NRXN3: variants seen among roughly 807,000 people sequenced by gnomAD.
NRXN3 encodes neurexin III.
A neutral mutation model predicts 137.6 loss-of-function variants in NRXN3; 32 were observed. The ratio of observed to expected loss-of-function variants is 0.23; its 90% CI spans 0.18 to 0.31. The LOEUF (loss-of-function observed/expected upper bound fraction) is 0.31. NRXN3 is among the 10% of genes least tolerant of loss of function. The probability of loss-of-function intolerance (pLI) is 1.00; values close to 1 mark genes in which losing one functional copy is unlikely to be tolerated. For synonymous variants in NRXN3, 798 were observed against 784.5 expected, an observed-to-expected ratio of 1.02 and a Z score of -0.29; for missense variants, 1,574 against 2,062.5, an observed-to-expected ratio of 0.76 and a Z score of 4.59.
At chr14:79,186,464 CACAA>C (rs777763591) in intron 15 of NRXN3, among the ~76,000 whole-genome samples, 1 of 152,072 alleles carries the variant, frequency 6.6e-6, no homozygotes, top group Non-Finnish European at 1.5e-5. Flanking sequence ...AATGGGCAGT[CACAA>C]TAAGATACAT....
At chr14:79,182,696 G>A (rs1182905421) in intron 15 of NRXN3, among the ~76,000 whole-genome samples, 1 of 152,112 alleles carries the variant, frequency 6.6e-6, no homozygotes, top group Non-Finnish European at 1.5e-5. Flanking sequence ...CCACGGGTTT[G>A]GAGACCCCTT....
intron 19 of NRXN3, among the ~76,000 whole-genome samples, chr14:79,770,925 A>G (rs1468392085): frequency 6.6e-6 from 1 of 152,218 alleles, no homozygotes; most frequent in Non-Finnish European, 1.5e-5. Context: ...AGATGCAATA[A>G]AAAATGATAA....
intron 6 of NRXN3, among the ~76,000 whole-genome samples, chr14:78,682,503 C>T (rs1260010399): frequency 6.6e-6 from 1 of 152,022 alleles, no homozygotes; most frequent in Non-Finnish European, 1.5e-5. Context: ...CTGCCTGTAC[C>T]GTTGTGGAAT....
intron 18 of NRXN3, among the ~76,000 whole-genome samples, chr14:79,693,073 C>T (rs1269704435): frequency 2.0e-5 from 3 of 151,952 alleles, no homozygotes; most frequent in Non-Finnish European, 4.4e-5. Flanking sequence ...AAGAGGGCAG[C>T]GGTTATAACT....
intron 10 of NRXN3, among the ~76,000 whole-genome samples, chr14:78,947,623 G>A (rs974712841): frequency 6.6e-6 from 1 of 152,180 alleles, no homozygotes; most frequent in African/African-American, 2.4e-5. Flanking sequence ...GTTCCCAAAA[G>A]TCCTCCATGG....
intron 4 of NRXN3, among the ~76,000 whole-genome samples, chr14:78,613,588 T>C (rs1195410875): frequency 7.4e-6 from 1 of 134,328 alleles, no homozygotes; most frequent in Non-Finnish European, 1.7e-5. Context: ...GTTTTTTTTT[T>C]TTTTTTTTTT....
At chr14:78,245,554 T>C (rs2067549988) in intron 2 of NRXN3, among the ~76,000 whole-genome samples, 7 of 152,214 alleles carry the variant, frequency 4.6e-5, no homozygotes, top group Admixed American at 4.6e-4. Flanking sequence ...GTTCCTTAAG[T>C]GTTTCCAGAA....
At chr14:79,137,345 C>T (rs1227419223) in intron 15 of NRXN3, among the ~76,000 whole-genome samples, 1 of 152,202 alleles carries the variant, frequency 6.6e-6, no homozygotes, top group Non-Finnish European at 1.5e-5. Context: ...CTACTGCCTA[C>T]ATTTCACTGC....
chr14:78,400,434 C>T (rs142258903), intron 4 of NRXN3, among the ~76,000 whole-genome samples: 1 of 152,170 alleles, frequency 6.6e-6, no homozygotes, highest in East Asian at 1.9e-4. Flanking sequence ...TTATGGGCAT[C>T]TTTTATAGAA....
intron 4 of NRXN3, among the ~76,000 whole-genome samples, chr14:78,591,551 A>G (rs1222194575): frequency 1.3e-5 from 2 of 152,154 alleles, no homozygotes; most frequent in Non-Finnish European, 2.9e-5. Context: ...TGATAAAGGG[A>G]AATGAACTAG....
chr14:78,708,095 T>C (rs2098373202), intron 6 of NRXN3, among the ~76,000 whole-genome samples: 1 of 152,170 alleles, frequency 6.6e-6, no homozygotes, highest in African/African-American at 2.4e-5. Context: ...CAAATGGTAG[T>C]TCTACTTTTA....
At chr14:78,983,726 G>A (rs2099495476) in intron 14 of NRXN3, among the ~76,000 whole-genome samples, 1 of 151,718 alleles carries the variant, frequency 6.6e-6, no homozygotes, top group Non-Finnish European at 1.5e-5. Context: ...GCATGGTGGT[G>A]TGTGCCTGTA....
chr14:78,739,272 G>A (rs554808962), intron 8 of NRXN3, among the ~76,000 whole-genome samples: 1 of 152,346 alleles, frequency 6.6e-6, no homozygotes, highest in East Asian at 1.9e-4. Context: ...CAACAATGCC[G>A]CTATGGAATA....
At chr14:79,665,191 G>A (rs538459301) in intron 17 of NRXN3, among the ~76,000 whole-genome samples, 10 of 152,180 alleles carry the variant, frequency 6.6e-5, no homozygotes, top group African/African-American at 2.4e-4. Flanking sequence ...CTAGAGTCCC[G>A]CTATATCTGT....
chr14:78,476,504 G>T (rs1045369527), intron 4 of NRXN3, among the ~76,000 whole-genome samples: 3 of 151,958 alleles, frequency 2.0e-5, no homozygotes, highest in African/African-American at 4.8e-5. Context: ...ACCATGAGGG[G>T]CTGGGGTCTG....
intron 10 of NRXN3, among the ~76,000 whole-genome samples, chr14:78,840,062 A>G (rs906016103): frequency 6.6e-5 from 10 of 152,234 alleles, no homozygotes; most frequent in Non-Finnish European, 1.3e-4. Context: ...AACAGAGAGC[A>G]AAATACCTAC....
chr14:79,852,319 A>G (rs969745380), intron 20 of NRXN3, among the ~76,000 whole-genome samples: 2 of 151,126 alleles, frequency 1.3e-5, no homozygotes, highest in Non-Finnish European at 2.9e-5. Context: ...AGAAGCCTTC[A>G]GATGTCCTTC....
intron 20 of NRXN3, among the ~76,000 whole-genome samples, chr14:79,852,852 T>G (rs2099394706): frequency 6.6e-6 from 1 of 151,572 alleles, no homozygotes; most frequent in South Asian, 2.1e-4. Context: ...AATTAAGTGC[T>G]TTTTATATTA....
intron 16 of NRXN3, among the ~76,000 whole-genome samples, chr14:79,547,476 A>C (rs1186059976): frequency 6.6e-6 from 1 of 152,192 alleles, no homozygotes; most frequent in Non-Finnish European, 1.5e-5. Flanking sequence ...TCTTGCCTCA[A>C]ATTATGTTGA....
Sources: gnomAD v4.1 joint callset for allele counts (sites outside exome capture counted in the v4.1 genomes callset) on GRCh38, gnomAD v4.1.1 for gene constraint, MANE v1.5 for transcripts, NCBI Gene and HGNC (gene_info 2026-07-23, HGNC 2026-07-21) for gene names.